The following FAM168A variants were observed in gnomAD, a reference collection of about 807,000 sequenced individuals.
FAM168A encodes family with sequence similarity 168 member A, also known as protein FAM168A.
A neutral mutation model predicts 28.5 loss-of-function variants in FAM168A; 3 were observed. The observed-to-expected ratio is 0.11, with a 90% CI of 0.05 to 0.27. FAM168A has a LOEUF of 0.27. Among genes scored for constraint, FAM168A ranks in the 10% least tolerant of loss-of-function variants. The pLI, the probability that FAM168A is intolerant of heterozygous loss-of-function variation, is 1.00. For missense variants in FAM168A, 222 were observed against 311.5 expected (o/e 0.71, Z 2.16); for synonymous variants, 122 against 124.2 (o/e 0.98, Z 0.12).
chr11:73,419,975 C>A lies in FAM168A; in HGVS notation c.176G>T (p.Trp59Leu). The A allele has an allele frequency of 6.2e-7, 1 of 1,613,712 alleles. No individual in the cohort carries two copies. Among genetic ancestry groups the A allele is most frequent in the African/African-American group, 1.3e-5 (1 of 74,970 alleles). Residue 59 changes from tryptophan to leucine, a missense_variant, in exon 4 of 8, where the codon TGG becomes TTG. This residue lies in a region of FAM168A where 153 missense variants were observed against 189.2 expected (regional missense o/e 0.81). Transcript: ENST00000356467. The stretch of plus-strand genomic sequence containing the variant: ...GCCACAGGAAGACGAGTTCTGTGGC[C>A]AGGCCTGTTTCATCAGCAGAGTTGC... ...APATLLMKQA[W>L]PQNSSSCGTE...
chr11:73,412,664 C>T (rs964379238), intron 4 of FAM168A, among the ~76,000 whole-genome samples: 1 of 152,180 alleles, frequency 6.6e-6, no homozygotes, highest in African/African-American at 2.4e-5. Flanking sequence ...AATAACTTCT[C>T]CTAAAGACTC....
At chr11:73,558,504 A>G (rs1943916301) in intron 1 of FAM168A, among the ~76,000 whole-genome samples, 3 of 150,514 alleles carry the variant, frequency 2.0e-5, no homozygotes, top group Admixed American at 2.0e-4. Flanking sequence ...TGGAAAGACA[A>G]CCCACTGAAT....
At chr11:73,575,654 G>A (rs998006288) in intron 1 of FAM168A, among the ~76,000 whole-genome samples, 2 of 152,168 alleles carry the variant, frequency 1.3e-5, no homozygotes, top group African/African-American at 4.8e-5. Context: ...TGGATCACCT[G>A]AGGTCAGGAG....
chr11:73,422,088 G>C (rs958344580), intron 3 of FAM168A, among the ~76,000 whole-genome samples: 6 of 152,174 alleles, frequency 3.9e-5, no homozygotes, highest in Non-Finnish European at 8.8e-5. Flanking sequence ...CGGTGGAAGG[G>C]AACACACGTG....
At chr11:73,503,114 C>T (rs1023017292) in intron 1 of FAM168A, among the ~76,000 whole-genome samples, 8 of 152,146 alleles carry the variant, frequency 5.3e-5, no homozygotes, top group African/African-American at 1.9e-4. Context: ...CCTCTCTCAC[C>T]ACTCCTATTC....
Position 73,401,651 on chromosome 11 carries a change from C to T in FAM168A, c.*5112G>A, listed in dbSNP as rs1039272509. The T allele has an allele frequency of 6.6e-6, 1 of 152,248 alleles. No homozygotes were observed. Among genetic ancestry groups the T allele is most frequent in the African/African-American group, 2.4e-5 (1 of 41,460 alleles). The allele number at this position is 152,248 out of a possible 1,614,324, so 9.4% of individuals were successfully genotyped here. Reference sequence around the variant, plus strand: ...TCAGTGGCTGGAATGGGTAGAGGACCTCTACCACAGCAAGGATATCCAGGG... The same window carrying T: ...TCAGTGGCTGGAATGGGTAGAGGACTTCTACCACAGCAAGGATATCCAGGG... On this transcript the variant is annotated 3_prime_UTR_variant, in exon 8 of 8. Coordinates refer to ENST00000356467, the MANE Select transcript of FAM168A (RefSeq NM_015159.3).
At chr11:73,478,762 T>A (rs1176427892) in intron 1 of FAM168A, among the ~76,000 whole-genome samples, 1 of 152,184 alleles carries the variant, frequency 6.6e-6, no homozygotes, top group Non-Finnish European at 1.5e-5. Flanking sequence ...TGTTACAGAT[T>A]CAGGGGTAAC....
chr11:73,540,122 G>A (rs1391605673), intron 1 of FAM168A, among the ~76,000 whole-genome samples: 2 of 152,072 alleles, frequency 1.3e-5, no homozygotes, highest in Non-Finnish European at 2.9e-5. Context: ...ACAAAGACAT[G>A]CTCAGAGAAA....
chr11:73,419,712 T>A (rs547065432), intron 4 of FAM168A, among the ~76,000 whole-genome samples, 162 bp downstream of exon 4: 1 of 152,234 alleles, frequency 6.6e-6, no homozygotes, highest in Non-Finnish European at 1.5e-5. Context: ...GAGAATGACC[T>A]TTCCTGAATA....
chr11:73,584,633 C>A (rs1944289253), intron 1 of FAM168A, among the ~76,000 whole-genome samples: 1 of 151,984 alleles, frequency 6.6e-6, no homozygotes, highest in African/African-American at 2.4e-5. Context: ...GCCACCATGC[C>A]CGGCTAATTT....
intron 1 of FAM168A, among the ~76,000 whole-genome samples, chr11:73,553,462 A>G (rs920093629): frequency 5.3e-5 from 8 of 152,170 alleles, no homozygotes; most frequent in Non-Finnish European, 1.0e-4. Flanking sequence ...ATTAAGTCTG[A>G]CTAATAAGAG....
chr11:73,477,947 AG>A (rs1867912907), intron 1 of FAM168A, among the ~76,000 whole-genome samples: 1 of 151,096 alleles, frequency 6.6e-6, no homozygotes, highest in African/African-American at 2.5e-5. Flanking sequence ...ATAGATAGAT[AG>A]ATAGATAGAT....
intron 1 of FAM168A, among the ~76,000 whole-genome samples, chr11:73,587,152 TAAAAAAAAAAAAAAAA>T (rs1158411875): frequency 1.2e-5 from 1 of 81,374 alleles, no homozygotes; most frequent in African/African-American, 5.0e-5. Context: ...ATGGACATGT[TAAAAAAAAAAAAAAAA>T]AAAAAAAAAA....
chr11:73,585,904 C>T (rs1172308142), intron 1 of FAM168A, among the ~76,000 whole-genome samples: 1 of 149,644 alleles, frequency 6.7e-6, no homozygotes, highest in African/African-American at 2.5e-5. Flanking sequence ...GAGATTGACC[C>T]TTTCCCCATA....
At chr11:73,571,023 T>C (rs940978666) in intron 1 of FAM168A, among the ~76,000 whole-genome samples, 3 of 152,108 alleles carry the variant, frequency 2.0e-5, no homozygotes, top group Non-Finnish European at 2.9e-5. Flanking sequence ...ACTATTCTAC[T>C]GTAATACTTA....
intron 1 of FAM168A, among the ~76,000 whole-genome samples, chr11:73,490,841 TC>T (rs1396662565): frequency 3.3e-5 from 5 of 152,106 alleles, no homozygotes; most frequent in Non-Finnish European, 7.4e-5. Context: ...GTATGTCTTC[TC>T]CCCCCTTCAC....
chr11:73,584,515 C>T (rs1402375192), intron 1 of FAM168A, among the ~76,000 whole-genome samples: 6 of 148,004 alleles, frequency 4.1e-5, no homozygotes, highest in African/African-American at 1.5e-4. Flanking sequence ...GCTCCGTCAC[C>T]CAGGCTGGAG....
chr11:73,476,763 A>G (rs970898287), intron 1 of FAM168A, among the ~76,000 whole-genome samples: 10 of 152,202 alleles, frequency 6.6e-5, no homozygotes, highest in African/African-American at 2.4e-4. Context: ...AAAAAATATA[A>G]AAATTGAAAG....
intron 2 of FAM168A, among the ~76,000 whole-genome samples, chr11:73,436,095 CA>C (rs1416862615): frequency 2.0e-5 from 3 of 150,324 alleles, no homozygotes; most frequent in African/African-American, 7.6e-5. Flanking sequence ...TAAATGGACA[CA>C]AGTTAGCTTT....
Sources: gnomAD v4.1 joint callset for allele counts (sites outside exome capture counted in the v4.1 genomes callset) on GRCh38, gnomAD v4.1.1 for gene constraint, gnomAD v4.1.1 regional missense constraint, MANE v1.5 for transcripts, NCBI Gene and HGNC (gene_info 2026-07-23, HGNC 2026-07-21) for gene names.